PRICKLE2: variants seen among roughly 807,000 people sequenced by gnomAD.
The protein encoded by PRICKLE2 is prickle-like protein 2.
PRICKLE2 carries 21 observed loss-of-function variants against 81.4 expected under a neutral mutation model. The ratio of observed to expected loss-of-function variants is 0.26; its 90% CI spans 0.18 to 0.37. PRICKLE2 has a LOEUF of 0.37. Among genes scored for constraint, PRICKLE2 ranks in the 10% least tolerant of loss-of-function variants. PRICKLE2 has a pLI of 1.00. For missense variants in PRICKLE2, 940 were observed against 1,109.0 expected, an observed-to-expected ratio of 0.85 and a Z score of 2.16; for synonymous variants, 456 against 421.5, an observed-to-expected ratio of 1.08 and a Z score of -1.00.
chr3:64,169,945 G>C (rs1251895822), intron 2 of PRICKLE2, among the ~76,000 whole-genome samples: 4 of 152,144 alleles, frequency 2.6e-5, no homozygotes, highest in African/African-American at 9.7e-5. Context: ...TTCCCAAATG[G>C]GGACCTGGAG....
chr3:64,199,005 A>G (rs1442463458), intron 1 of PRICKLE2, 38 bp from the exon 2 acceptor site: 10 of 1,605,032 alleles, frequency 6.2e-6, no homozygotes, highest in Non-Finnish European at 8.5e-6. Flanking sequence ...AAAGAGGAAA[A>G]AACCTTTTTT....
chr3:64,153,903 A>G (rs940356227), intron 5 of PRICKLE2: 2 of 156,534 alleles, frequency 1.3e-5, no homozygotes, highest in Non-Finnish European at 2.8e-5. Context: ...ACCCTTCCCT[A>G]TTGCCTTAAA....
chr3:64,186,216 G>GA (rs2078229458), intron 2 of PRICKLE2, among the ~76,000 whole-genome samples: 1 of 151,986 alleles, frequency 6.6e-6, no homozygotes, highest in Non-Finnish European at 1.5e-5. Flanking sequence ...TTTGACTATG[G>GA]AAAAGAAAAC....
At chr3:64,116,448 A>G (rs546852167) in intron 7 of PRICKLE2, among the ~76,000 whole-genome samples, 28 of 152,244 alleles carry the variant, frequency 1.8e-4, no homozygotes, top group Non-Finnish European at 3.5e-4. Context: ...TAGATAGACC[A>G]CTAGCTAGAC....
chr3:64,262,148 C>T (rs2079624093), intron 2 of PRICKLE2, among the ~76,000 whole-genome samples: 1 of 152,078 alleles, frequency 6.6e-6, no homozygotes, highest in South Asian at 2.1e-4. Flanking sequence ...ATTTTCAGCA[C>T]CCCAGGAAGT....
chr3:64,160,192 C>T (rs529248506), intron 3 of PRICKLE2, 115 bp from the exon 4 acceptor site: 37 of 1,134,242 alleles, frequency 3.3e-5, no homozygotes, highest in East Asian at 2.4e-4. Flanking sequence ...TTATAGCCCT[C>T]GCCTGAACTT....
At chr3:64,210,686 T>C (rs1387611887) in intron 1 of PRICKLE2, among the ~76,000 whole-genome samples, 1 of 152,232 alleles carries the variant, frequency 6.6e-6, no homozygotes, top group Non-Finnish European at 1.5e-5. Context: ...AGTGCCTTAC[T>C]TTAGACTAAT....
intron 2 of PRICKLE2, among the ~76,000 whole-genome samples, chr3:64,192,142 T>G (rs2078354859): frequency 6.6e-6 from 1 of 152,228 alleles, no homozygotes; most frequent in Non-Finnish European, 1.5e-5. Flanking sequence ...TAACCCTTTA[T>G]GTCGAAAATA....
chr3:64,230,813 T>A (rs1010353549), intron 2 of PRICKLE2, among the ~76,000 whole-genome samples: 1 of 152,230 alleles, frequency 6.6e-6, no homozygotes, highest in Admixed American at 6.5e-5. Context: ...CTGAGATATA[T>A]AAAGTACTGT....
intron 2 of PRICKLE2, among the ~76,000 whole-genome samples, chr3:64,245,940 TC>T (rs1293788764): frequency 6.6e-6 from 1 of 152,090 alleles, no homozygotes; most frequent in Non-Finnish European, 1.5e-5. Context: ...CGGTTTGAGC[TC>T]TCCTGAATAT....
chr3:64,109,436 T>A (rs1044747608), intron 7 of PRICKLE2, among the ~76,000 whole-genome samples: 1 of 152,164 alleles, frequency 6.6e-6, no homozygotes, highest in African/African-American at 2.4e-5. Flanking sequence ...AGGTCTCAGG[T>A]GATCAGCAGA....
intron 1 of PRICKLE2, among the ~76,000 whole-genome samples, chr3:64,221,340 G>C (rs913744120): frequency 1.3e-5 from 2 of 151,006 alleles, no homozygotes; most frequent in Non-Finnish European, 2.9e-5. Context: ...TCAGACAATA[G>C]GCCAAAGAAA....
intron 6 of PRICKLE2, among the ~76,000 whole-genome samples, chr3:64,148,768 T>C (rs1413837129): frequency 6.6e-6 from 1 of 152,078 alleles, no homozygotes; most frequent in Non-Finnish European, 1.5e-5. Context: ...TGCCAGAAAG[T>C]ATCATCCAGG....
At chr3:64,140,134 C>T (rs867341059) in intron 7 of PRICKLE2, among the ~76,000 whole-genome samples, 2 of 152,192 alleles carry the variant, frequency 1.3e-5, no homozygotes, top group South Asian at 4.1e-4. Context: ...TTTCTATGAA[C>T]TCACTCATTT....
At position 64,093,238 on chromosome 3, in the gene PRICKLE2, T is replaced by C. The variant is rs2106927486; in HGVS notation, c.*5813A>G. On this transcript the variant is annotated 3_prime_UTR_variant, in exon 8 of 8. Coordinates refer to ENST00000638394, the MANE Select transcript of PRICKLE2 (RefSeq NM_198859.4). ...AGGCTGAATAATATTCCATTGTATG[T>C]ATACACCACACCTTGTTTACACATT... 1 of 153,690 alleles carries C rather than the reference T, an allele frequency of 6.5e-6. No individual in the cohort carries two copies. Among genetic ancestry groups the C allele is most frequent in the East Asian group, 1.9e-4 (1 of 5,294 alleles). 9.5% of individuals were successfully genotyped at this position (153,690 alleles called of 1,614,324 possible).
At chr3:64,220,723 G>A (rs1238438413) in intron 1 of PRICKLE2, among the ~76,000 whole-genome samples, 2 of 152,134 alleles carry the variant, frequency 1.3e-5, no homozygotes, top group African/African-American at 4.8e-5. Context: ...CATGCCTCCA[G>A]TTCCAACCAG....
At chr3:64,166,682 C>T (rs9813667) in intron 2 of PRICKLE2, among the ~76,000 whole-genome samples, 1 of 152,152 alleles carries the variant, frequency 6.6e-6, no homozygotes, top group Admixed American at 6.6e-5. Context: ...AAGAACTTAC[C>T]TAGGTAGCAA....
At chr3:64,177,261 G>A (rs1296821107) in intron 2 of PRICKLE2, among the ~76,000 whole-genome samples, 8 of 142,086 alleles carry the variant, frequency 5.6e-5, no homozygotes, top group Non-Finnish European at 1.1e-4. Flanking sequence ...TCAGCCTCCC[G>A]AGTAGCTGGG....
At chr3:64,153,508 G>T in intron 5 of PRICKLE2, 140 bp from the exon 6 acceptor site, 1 of 750,840 alleles carries the variant, frequency 1.3e-6, no homozygotes, top group Non-Finnish European at 2.3e-6. Context: ...AATCCATATG[G>T]ATATGTTTAT....
Sources: allele counts gnomAD v4.1 joint callset (sites outside exome capture counted in the v4.1 genomes callset), GRCh38; gene constraint gnomAD v4.1.1; transcripts MANE v1.5; gene names NCBI Gene and HGNC (gene_info 2026-07-23, HGNC 2026-07-21).